Variants in DOCK4 observed in about 807,000 individuals in gnomAD.
DOCK4 encodes the protein dedicator of cytokinesis 4.
In DOCK4, 97 loss-of-function variants were observed where a neutral mutation model predicts 268.1. The ratio of observed to expected loss-of-function variants is 0.36; its 90% CI spans 0.31 to 0.43. The LOEUF is 0.43. DOCK4 is among the 20% of genes least tolerant of loss of function. The pLI is 1.00. For missense variants in DOCK4, 2,145 were observed against 2,455.7 expected, an observed-to-expected ratio of 0.87 and a Z score of 2.67; for synonymous variants, 954 against 887.2, an observed-to-expected ratio of 1.08 and a Z score of -1.34.
At chr7:112,091,081 A>G (rs1013848159) in intron 1 of DOCK4, among the ~76,000 whole-genome samples, 1 of 152,154 alleles carries the variant, frequency 6.6e-6, no homozygotes, top group African/African-American at 2.4e-5. Flanking sequence ...CCTCCAAGGT[A>G]AAGGAAGGTC....
chr7:111,914,202 G>T (rs1792392402), intron 13 of DOCK4, among the ~76,000 whole-genome samples: 1 of 152,076 alleles, frequency 6.6e-6, no homozygotes, highest in African/African-American at 2.4e-5. Context: ...AGTATAAACA[G>T]GTCTTACTCT....
chr7:111,891,387 C>T (rs1808277515), intron 16 of DOCK4, among the ~76,000 whole-genome samples: 1 of 151,994 alleles, frequency 6.6e-6, no homozygotes, highest in Non-Finnish European at 1.5e-5. Flanking sequence ...AAAGTATTAA[C>T]AATAAGCACT....
chr7:112,117,243 CA>C (rs1347995124), intron 1 of DOCK4, among the ~76,000 whole-genome samples: 1 of 152,240 alleles, frequency 6.6e-6, no homozygotes, highest in Non-Finnish European at 1.5e-5. Flanking sequence ...CCCTCATTCA[CA>C]AATAAACTTC....
intron 26 of DOCK4, among the ~76,000 whole-genome samples, chr7:111,832,840 G>T (rs1430950205): frequency 6.6e-6 from 1 of 152,200 alleles, no homozygotes; most frequent in Non-Finnish European, 1.5e-5. Context: ...ATTTTAAAGA[G>T]GGTAATATAA....
chr7:111,806,395 G>A (rs1800679837), intron 30 of DOCK4, among the ~76,000 whole-genome samples: 2 of 152,100 alleles, frequency 1.3e-5, no homozygotes, highest in Admixed American at 6.5e-5. Context: ...TCTAGCTATT[G>A]CACAACAGCA....
chr7:112,156,220 G>A (rs1816600102), intron 1 of DOCK4, among the ~76,000 whole-genome samples: 1 of 152,134 alleles, frequency 6.6e-6, no homozygotes, highest in African/African-American at 2.4e-5. Flanking sequence ...CTCACACTGT[G>A]TCCAGCACAC....
At chr7:111,808,529 T>C in intron 30 of DOCK4, 1 of 278,330 alleles carries the variant, frequency 3.6e-6, no homozygotes, top group Non-Finnish European at 6.7e-6. Context: ...TTCTGAAAGG[T>C]TGCCTCATCG....
chr7:111,943,281 G>T (rs1795346326), intron 10 of DOCK4, among the ~76,000 whole-genome samples: 1 of 152,206 alleles, frequency 6.6e-6, no homozygotes. Flanking sequence ...TTGAAAGGCT[G>T]CCCTGTGATG....
intron 4 of DOCK4, among the ~76,000 whole-genome samples, chr7:111,996,135 G>C (rs543862984): frequency 6.6e-6 from 1 of 152,244 alleles, no homozygotes; most frequent in East Asian, 1.9e-4. Flanking sequence ...ACCTCAGTAG[G>C]AATTAAACAA....
intron 12 of DOCK4, among the ~76,000 whole-genome samples, chr7:111,922,142 G>C: frequency 6.6e-6 from 1 of 152,196 alleles, no homozygotes; most frequent in Non-Finnish European, 1.5e-5. Context: ...TCAACGCTCT[G>C]AACAAGTGAC....
At chr7:111,808,266 GTA>G (rs1201932993) in intron 30 of DOCK4, 1 of 152,380 alleles carries the variant, frequency 6.6e-6, no homozygotes, top group Non-Finnish European at 1.5e-5. Flanking sequence ...AACCAGATCT[GTA>G]CCATCAATTT....
intron 1 of DOCK4, among the ~76,000 whole-genome samples, chr7:112,143,097 T>C (rs1466338072): frequency 3.3e-5 from 5 of 152,012 alleles, no homozygotes; most frequent in African/African-American, 1.2e-4. Flanking sequence ...AGGGACTCTT[T>C]CTATGATTTT....
intron 8 of DOCK4, among the ~76,000 whole-genome samples, chr7:111,960,780 C>A (rs1447014679): frequency 6.6e-6 from 1 of 152,062 alleles, no homozygotes; most frequent in Non-Finnish European, 1.5e-5. Flanking sequence ...ATCATGCACT[C>A]TTTGTCTCTC....
intron 42 of DOCK4, among the ~76,000 whole-genome samples, chr7:111,749,722 T>C (rs1447836544): frequency 6.6e-6 from 1 of 152,160 alleles, no homozygotes. Context: ...CATCAATATA[T>C]GAAAACATAT....
chr7:111,946,165 A>C (rs1325625435), intron 8 of DOCK4, among the ~76,000 whole-genome samples: 1 of 152,212 alleles, frequency 6.6e-6, no homozygotes, highest in Non-Finnish European at 1.5e-5. Context: ...TTTCTTTTTC[A>C]TGTTTTATGT....
At position 111,808,829 on chromosome 7, in the gene DOCK4, T is replaced by C; in HGVS notation, c.3158A>G (p.Gln1053Arg). 2 of 1,612,698 alleles carry C rather than the reference T, an allele frequency of 1.2e-6. No homozygotes were observed. The highest frequency in any genetic ancestry group is 1.1e-5 in the South Asian group (1 of 90,608). Residue 1053 changes from glutamine (Q) to arginine (R), a missense_variant, in exon 30 of 53, where the codon CAA becomes CGA. Physicochemically the swap from Gln to Arg is conservative, Grantham distance 43. Transcript: ENST00000428084. ...TMGCEIFSMW[Q>R]NLGEHKLHFI... ...CTCTTTTCCTCACTTACCTAGGTTT[T>C]GCCACATGCTGAAAATTTCACAACC...
intron 26 of DOCK4, among the ~76,000 whole-genome samples, chr7:111,823,791 C>A (rs1299864024): frequency 1.3e-5 from 2 of 152,152 alleles, no homozygotes. Flanking sequence ...CAACCCCAAA[C>A]ACAAGAGTTT....
At chr7:112,189,300 T>A (rs886352) in intron 1 of DOCK4, among the ~76,000 whole-genome samples, 18,644 of 148,434 alleles carry the variant, frequency 0.13, 3,010 homozygotes, top group African/African-American at 0.37. Flanking sequence ...AAAAAAAAAC[T>A]GTGGTGGGAA....
At chr7:112,149,271 A>C (rs763569775) in intron 1 of DOCK4, among the ~76,000 whole-genome samples, 2 of 152,116 alleles carry the variant, frequency 1.3e-5, no homozygotes, top group Non-Finnish European at 2.9e-5. Flanking sequence ...ACTTGAATAT[A>C]CCACTATTTC....
Sources: gnomAD v4.1 joint callset for allele counts (sites outside exome capture counted in the v4.1 genomes callset) on GRCh38, gnomAD v4.1.1 for gene constraint, MANE v1.5 for transcripts, NCBI Gene and HGNC (gene_info 2026-07-23, HGNC 2026-07-21) for gene names.